Variants in ELF2 observed in about 807,000 individuals in gnomAD.
ELF2 encodes ETS-related transcription factor Elf-2.
In ELF2, 11 loss-of-function variants were observed where a neutral mutation model predicts 54.8. That is an observed-to-expected ratio of 0.20 (90% CI 0.13 to 0.33). ELF2 has a LOEUF of 0.33. Among genes scored for constraint, ELF2 ranks in the 10% least tolerant of loss-of-function variants. The probability of loss-of-function intolerance (pLI) is 1.00; values close to 1 mark genes in which losing one functional copy is unlikely to be tolerated. For missense variants in ELF2, 513 were observed against 703.0 expected (o/e 0.73, Z 3.06); for synonymous variants, 203 against 245.1 (o/e 0.83, Z 1.61).
At chr4:139,067,810 GAA>G in intron 6 of ELF2, 40 bp from the exon 7 acceptor site, 2 of 1,528,738 alleles carry the variant, frequency 1.3e-6, no homozygotes, top group Non-Finnish European at 1.8e-6. Context: ...TTGAAAACAA[GAA>G]AAATATGAGA....
intron 4 of ELF2, among the ~76,000 whole-genome samples, chr4:139,101,070 T>C (rs1323300887): frequency 1.3e-5 from 2 of 152,238 alleles, no homozygotes; most frequent in Non-Finnish European, 2.9e-5. Flanking sequence ...ACTTCTCAAC[T>C]AGAAAATTCT....
chr4:139,115,855 GTTTT>G (rs1168383989), intron 4 of ELF2, among the ~76,000 whole-genome samples: 1 of 151,998 alleles, frequency 6.6e-6, no homozygotes, highest in African/African-American at 2.4e-5. Flanking sequence ...GTTTTGTTTT[GTTTT>G]TTGAGACGGA....
intron 8 of ELF2, among the ~76,000 whole-genome samples, chr4:139,061,260 C>T (rs1201019048): frequency 2.0e-5 from 3 of 151,728 alleles, no homozygotes; most frequent in Non-Finnish European, 4.4e-5. Flanking sequence ...CTGCAACCTC[C>T]GCTTCCTGGG....
chr4:139,086,121 A>AT (rs1032706718), intron 4 of ELF2, among the ~76,000 whole-genome samples: 104 of 152,182 alleles, frequency 6.8e-4, no homozygotes, highest in South Asian at 2.9e-3. Flanking sequence ...AAAATGGTTG[A>AT]TTTTTTTTAA....
intron 1 of ELF2, among the ~76,000 whole-genome samples, chr4:139,145,515 G>T (rs929038760): frequency 1.3e-5 from 2 of 152,204 alleles, no homozygotes; most frequent in Non-Finnish European, 2.9e-5. Context: ...CATCAAGGAA[G>T]CAACCTGTTC....
intron 1 of ELF2, among the ~76,000 whole-genome samples, chr4:139,142,816 AAG>A (rs1467588513): frequency 3.3e-5 from 5 of 151,970 alleles, no homozygotes; most frequent in African/African-American, 1.2e-4. Flanking sequence ...GCAGTGATCC[AAG>A]ATCTCTCTAC....
intron 4 of ELF2, among the ~76,000 whole-genome samples, chr4:139,124,269 A>C (rs1250087568): frequency 6.6e-6 from 1 of 152,158 alleles, no homozygotes; most frequent in Non-Finnish European, 1.5e-5. Flanking sequence ...GGTAACTTTC[A>C]ATCCCTTAGC....
At chr4:139,115,055 C>T (rs1421873841) in intron 4 of ELF2, 5 of 1,613,928 alleles carry the variant, frequency 3.1e-6, no homozygotes, top group Non-Finnish European at 4.2e-6. Context: ...GCCCGGGCAT[C>T]GTCACTCTCC....
chr4:139,059,771 A>AT (rs753354161), intron 9 of ELF2, among the ~76,000 whole-genome samples, 164 bp from the exon 10 acceptor site: 2 of 152,216 alleles, frequency 1.3e-5, no homozygotes, highest in Admixed American at 1.3e-4. Flanking sequence ...ATACCATGAT[A>AT]TATTTTAAAA....
chr4:139,126,482 T>C (rs1274379619), intron 3 of ELF2, among the ~76,000 whole-genome samples: 3 of 151,970 alleles, frequency 2.0e-5, no homozygotes, highest in Non-Finnish European at 4.4e-5. Flanking sequence ...ACCCACCAAG[T>C]GTCTAGTACA....
At chr4:139,117,495 A>G (rs1373835558) in intron 4 of ELF2, among the ~76,000 whole-genome samples, 1 of 150,628 alleles carries the variant, frequency 6.6e-6, no homozygotes. Context: ...GGAGTTCGAG[A>G]TCAGCCTGTA....
intron 4 of ELF2, among the ~76,000 whole-genome samples, chr4:139,112,978 AT>A (rs1735123863): frequency 6.6e-6 from 1 of 152,204 alleles, no homozygotes; most frequent in Admixed American, 6.5e-5. Context: ...TCAAACAAAT[AT>A]CTTTTAATGA....
intron 1 of ELF2, among the ~76,000 whole-genome samples, chr4:139,167,656 A>G (rs952690406): frequency 7.2e-5 from 11 of 152,308 alleles, no homozygotes; most frequent in Admixed American, 3.3e-4. Context: ...AGGTTCCTCC[A>G]ATCCAACTTT....
chr4:139,113,622 G>A (rs1735211372), intron 4 of ELF2, among the ~76,000 whole-genome samples: 1 of 151,998 alleles, frequency 6.6e-6, no homozygotes, highest in South Asian at 2.1e-4. Flanking sequence ...GACCAAGGAG[G>A]ACAGATCGAG....
intron 4 of ELF2, among the ~76,000 whole-genome samples, chr4:139,093,127 G>A (rs1560802014): frequency 6.6e-6 from 1 of 151,666 alleles, no homozygotes; most frequent in Non-Finnish European, 1.5e-5. Flanking sequence ...CACCACGCCC[G>A]GCTAATTTTT....
At chr4:139,092,190 C>T (rs1732669055) in intron 4 of ELF2, among the ~76,000 whole-genome samples, 2 of 150,970 alleles carry the variant, frequency 1.3e-5, no homozygotes, top group South Asian at 2.1e-4. Flanking sequence ...GGTGAAACCT[C>T]GTCTCTACTA....
In ELF2 at chr4:139,073,551, G is replaced by T; in HGVS notation, c.255C>A (p.His85Gln). 1 of 1,546,574 alleles carries T rather than the reference G, an allele frequency of 6.5e-7. No homozygotes were observed. The highest frequency in any genetic ancestry group is 1.8e-5 in the Admixed American group (1 of 55,128). The change falls in exon 5 of 10, where the codon CAC becomes CAA. Residue 85 changes from histidine (H) to glutamine (Q), a missense_variant. His to Gln is a conservative substitution (Grantham distance 24). Around this residue, in one of 3 missense-constraint regions of ELF2, gnomAD observed 203 missense variants for 245.9 expected, o/e 0.83. Coordinates refer to ENST00000686138, the MANE Select transcript of ELF2 (RefSeq NM_001331036.3). ...ENVETVEASVHSSNAHCTDKT... is the reference protein window; with the variant it reads ...ENVETVEASVQSSNAHCTDKT... ...TATCTGTACAGTGTGCATTACTGCT[G>T]TGAACTGATGCTTCCACTGGAGGAA...
chr4:139,074,424 C>T (rs892609496), intron 4 of ELF2, among the ~76,000 whole-genome samples: 1 of 152,060 alleles, frequency 6.6e-6, no homozygotes, highest in African/African-American at 2.4e-5. Context: ...GTAAGCCCTC[C>T]GTGTCCAAGG....
At chr4:139,107,723 T>C (rs1734558367) in intron 4 of ELF2, among the ~76,000 whole-genome samples, 1 of 152,188 alleles carries the variant, frequency 6.6e-6, no homozygotes, top group Admixed American at 6.5e-5. Context: ...TACTAAACAT[T>C]TGGGTATTCT....
Sources: gnomAD v4.1 joint callset for allele counts (sites outside exome capture counted in the v4.1 genomes callset) on GRCh38, gnomAD v4.1.1 for gene constraint, gnomAD v4.1.1 regional missense constraint, MANE v1.5 for transcripts, NCBI Gene and HGNC (gene_info 2026-07-23, HGNC 2026-07-21) for gene names.